PHACTR3: variants seen among roughly 807,000 people sequenced by gnomAD.
The protein encoded by PHACTR3 is phosphatase and actin regulator 3.
PHACTR3 carries 16 observed loss-of-function variants against 66.8 expected under a neutral mutation model. The observed-to-expected ratio is 0.24, with a 90% CI of 0.16 to 0.36. PHACTR3 has a LOEUF of 0.36. Ranked by LOEUF, PHACTR3 falls within the 10% of genes least tolerant of loss-of-function variation. The pLI, the probability that PHACTR3 is intolerant of heterozygous loss-of-function variation, is 1.00. For missense variants in PHACTR3, 647 were observed against 719.9 expected (o/e 0.90, Z 1.16); for synonymous variants, 323 against 292.1 (o/e 1.11, Z -1.08).
At chr20:59,606,069 C>G (rs183875301) in intron 1 of PHACTR3, among the ~76,000 whole-genome samples, 149 of 152,312 alleles carry the variant, frequency 9.8e-4, no homozygotes, top group African/African-American at 3.4e-3. Flanking sequence ...ACAATTCCTT[C>G]GTAGATTCTG....
intron 1 of PHACTR3, among the ~76,000 whole-genome samples, chr20:59,689,538 C>T (rs2037026276): frequency 1.3e-5 from 2 of 152,214 alleles, no homozygotes; most frequent in South Asian, 4.1e-4. Flanking sequence ...CCACTGTCCC[C>T]TCCCATCTGA....
At chr20:59,599,047 A>G (rs1400163085) in intron 1 of PHACTR3, among the ~76,000 whole-genome samples, 2 of 152,226 alleles carry the variant, frequency 1.3e-5, no homozygotes, top group African/African-American at 2.4e-5. Flanking sequence ...AGCATGAAGA[A>G]GAGTTCCCTG....
rs545195479 is a variant in PHACTR3, at chr20:59,633,075, A to G, written c.118+27943A>G. Among the ~76,000 whole-genome samples the G allele has an allele frequency of 5.3e-5, 8 of 152,178 alleles. No individual in the cohort carries two copies. In the South Asian group the frequency reaches 1.0e-3, roughly 20 times the overall value. On this transcript the variant is annotated intron_variant, in intron 1 of 12. Transcript: ENST00000371015. ...GATGGGGAGATGAGAGGAGACATCT[A>G]CCCATGGCCTCTGCTTCTGGGAGGA...
chr20:59,801,111 A>G (rs371883305), intron 7 of PHACTR3, among the ~76,000 whole-genome samples: 27 of 152,202 alleles, frequency 1.8e-4, no homozygotes, highest in African/African-American at 6.0e-4. Context: ...TCTTCTTACT[A>G]TGCAACTCTC....
At chr20:59,814,207 C>G (rs1216095417) in intron 8 of PHACTR3, among the ~76,000 whole-genome samples, 1 of 152,146 alleles carries the variant, frequency 6.6e-6, no homozygotes, top group Non-Finnish European at 1.5e-5. Context: ...GAGAGCAAGG[C>G]TAGAGCTGGG....
chr20:59,604,680 A>G lies in PHACTR3; in HGVS notation c.-335A>G. ...CCCAAGCACGCAATAAACACTGACA[A>G]GAAAAAGTTTTTATTTCCTGGTTCA... is the stretch of plus-strand genomic sequence containing the variant. On this transcript the variant is annotated 5_prime_UTR_variant, in exon 1 of 13. Coordinates refer to ENST00000371015, the MANE Select transcript of PHACTR3 (RefSeq NM_080672.5). The G allele has an allele frequency of 9.9e-7, 1 of 1,009,990 alleles. No homozygotes were observed. The highest frequency in any genetic ancestry group is 1.2e-6 in the Non-Finnish European group (1 of 846,930). The allele number at this position is 1,009,990 out of a possible 1,614,324, so 62.6% of individuals were successfully genotyped here. A position where few individuals can be genotyped will look rare whatever the true frequency, so the allele number is the denominator to read the frequency against.
intron 5 of PHACTR3, among the ~76,000 whole-genome samples, chr20:59,768,193 C>G (rs1462272920): frequency 6.6e-6 from 1 of 152,162 alleles, no homozygotes; most frequent in Non-Finnish European, 1.5e-5. Context: ...TATTTTTTAT[C>G]TGGAATTGAC....
At chr20:59,665,617 A>G (rs967531216) in intron 1 of PHACTR3, among the ~76,000 whole-genome samples, 14 of 152,188 alleles carry the variant, frequency 9.2e-5, no homozygotes, top group African/African-American at 3.4e-4. Flanking sequence ...GAGTGATTGA[A>G]TCTTGGGTGC....
chr20:59,805,077 C>T (rs1600686634), intron 7 of PHACTR3, among the ~76,000 whole-genome samples: 1 of 152,204 alleles, frequency 6.6e-6, no homozygotes, highest in Non-Finnish European at 1.5e-5. Context: ...AGTGGCAGGG[C>T]AGGTGGGGAC....
intron 1 of PHACTR3, among the ~76,000 whole-genome samples, chr20:59,644,682 G>T (rs2035222604): frequency 6.6e-6 from 1 of 152,170 alleles, no homozygotes; most frequent in Non-Finnish European, 1.5e-5. Context: ...GGACACATTT[G>T]CCCTGGTGTC....
intron 6 of PHACTR3, 136 bp from the exon 7 acceptor site, chr20:59,774,107 G>C (rs1348116239): frequency 9.0e-7 from 1 of 1,111,966 alleles, no homozygotes; most frequent in Non-Finnish European, 1.3e-6. Flanking sequence ...CTTCTGGTGT[G>C]TCCAGGATAA....
At chr20:59,614,664 C>T (rs1427811153) in intron 1 of PHACTR3, among the ~76,000 whole-genome samples, 1 of 152,124 alleles carries the variant, frequency 6.6e-6, no homozygotes, top group African/African-American at 2.4e-5. Context: ...TAAAAAGTCA[C>T]CATTGGTCTT....
rs1407748612 is a variant in PHACTR3, at chr20:59,637,333, C to T, written c.118+32201C>T. On this transcript the variant is annotated intron_variant, in intron 1 of 12. Coordinates refer to ENST00000371015, the MANE Select transcript of PHACTR3 (RefSeq NM_080672.5). ...TTTTCCCTGTTGCCCTGTGGTCTGGCCTTTCTGCTGTAGGTTAAAGAAATC... is the reference window on the plus strand; with the variant it reads ...TTTTCCCTGTTGCCCTGTGGTCTGGTCTTTCTGCTGTAGGTTAAAGAAATC... Among the ~76,000 whole-genome samples, 3 of 152,190 alleles carry T rather than the reference C, an allele frequency of 2.0e-5. No homozygotes were observed. The East Asian group carries it at 5.8e-4, about 29-fold the overall frequency.
chr20:59,674,214 C>T (rs2036294873), intron 1 of PHACTR3, among the ~76,000 whole-genome samples: 2 of 150,492 alleles, frequency 1.3e-5, no homozygotes, highest in African/African-American at 5.0e-5. Context: ...TCAAGACAGC[C>T]TGTGGCTGCT....
intron 1 of PHACTR3, among the ~76,000 whole-genome samples, chr20:59,617,381 G>A (rs1315495660): frequency 6.6e-6 from 1 of 152,222 alleles, no homozygotes; most frequent in African/African-American, 2.4e-5. Context: ...GTGGGCAGGA[G>A]CCCGAGTGTG....
chr20:59,698,682 G>A (rs944519650), intron 1 of PHACTR3, among the ~76,000 whole-genome samples: 2 of 152,238 alleles, frequency 1.3e-5, no homozygotes, highest in East Asian at 3.9e-4. Flanking sequence ...TTATTTTAAG[G>A]TCAAGGTATG....
chr20:59,675,724 G>C (rs752460575), intron 1 of PHACTR3, among the ~76,000 whole-genome samples: 2 of 152,134 alleles, frequency 1.3e-5, no homozygotes, highest in Non-Finnish European at 2.9e-5. Context: ...TCAGGGATGC[G>C]GCTAAACCTC....
intron 4 of PHACTR3, among the ~76,000 whole-genome samples, chr20:59,765,382 T>C (rs1337490346): frequency 1.3e-5 from 2 of 152,186 alleles, no homozygotes; most frequent in African/African-American, 4.8e-5. Flanking sequence ...CCAGTTGTAA[T>C]GGTTGTTCTC....
At chr20:59,581,351 C>T (rs1005292907) in intron 1 of PHACTR3, among the ~76,000 whole-genome samples, 1 of 152,210 alleles carries the variant, frequency 6.6e-6, no homozygotes. Context: ...TCCTTTCCCC[C>T]CAGGGTGCTC....
Sources: allele counts gnomAD v4.1 joint callset (sites outside exome capture counted in the v4.1 genomes callset), GRCh38; gene constraint gnomAD v4.1.1; transcripts MANE v1.5; gene names NCBI Gene and HGNC (gene_info 2026-07-23, HGNC 2026-07-21).